Variants in DNAH6 observed in about 807,000 individuals in gnomAD.
DNAH6 encodes the protein dynein axonemal heavy chain 6.
Under a neutral mutation model 491.4 loss-of-function variants are expected in DNAH6, and 340 were observed. The ratio of observed to expected loss-of-function variants is 0.69; its 90% CI spans 0.63 to 0.76. The LOEUF (loss-of-function observed/expected upper bound fraction) is 0.76, where lower values mean the gene tolerates loss of function less well. Ranked by LOEUF, DNAH6 falls within the 30% of genes least tolerant of loss-of-function variation. DNAH6 has a pLI of 0.00. For missense variants in DNAH6, 4,443 were observed against 4,972.2 expected, an observed-to-expected ratio of 0.89 and a Z score of 3.20; for synonymous variants, 1,603 against 1,686.1, an observed-to-expected ratio of 0.95 and a Z score of 1.21.
chr2:84,512,473 A>T (rs1474724382), upstream of DNAH6, among the ~76,000 whole-genome samples: 1 of 152,134 alleles, frequency 6.6e-6, no homozygotes, highest in Non-Finnish European at 1.5e-5. Flanking sequence ...CTCCATTTTG[A>T]CCTAATCACC....
At chr2:84,573,075 T>C (rs987827289) in intron 11 of DNAH6, among the ~76,000 whole-genome samples, 1 of 152,202 alleles carries the variant, frequency 6.6e-6, no homozygotes, top group African/African-American at 2.4e-5. Context: ...CTGGGCATGC[T>C]AAACAGGTTT....
intron 4 of DNAH6, among the ~76,000 whole-genome samples, chr2:84,539,706 C>T (rs1678054345): frequency 6.6e-6 from 1 of 152,154 alleles, no homozygotes; most frequent in Non-Finnish European, 1.5e-5. Flanking sequence ...TCATGCTGCT[C>T]TTCCAAGGAC....
At chr2:84,675,198 C>T (rs551461363) in intron 40 of DNAH6, among the ~76,000 whole-genome samples, 1 of 152,316 alleles carries the variant, frequency 6.6e-6, no homozygotes, top group East Asian at 1.9e-4. Flanking sequence ...TTTCTTGAAT[C>T]AGAGCTGTTG....
intron 11 of DNAH6, among the ~76,000 whole-genome samples, chr2:84,566,345 T>A (rs1416002945): frequency 6.6e-6 from 1 of 152,014 alleles, no homozygotes; most frequent in Non-Finnish European, 1.5e-5. Context: ...ACTTCTTTCA[T>A]AATAGCAGCA....
intron 68 of DNAH6, among the ~76,000 whole-genome samples, chr2:84,789,240 G>A (rs980059693): frequency 6.6e-6 from 1 of 152,204 alleles, no homozygotes; most frequent in African/African-American, 2.4e-5. Context: ...TGCCCTCGCT[G>A]AAGCACACCA....
chr2:84,556,511 T>G (rs1203070835), intron 10 of DNAH6, among the ~76,000 whole-genome samples: 1 of 152,272 alleles, frequency 6.6e-6, no homozygotes, highest in Non-Finnish European at 1.5e-5. Context: ...GAGACTCATT[T>G]AAAGACTTAC....
At chr2:84,819,280 C>CCTT in intron 76 of DNAH6, 25 bp from the exon 77 acceptor site, 2 of 1,487,654 alleles carry the variant, frequency 1.3e-6, no homozygotes, top group Admixed American at 2.0e-5. Context: ...AAGTAACAAC[C>CCTT]TTTTTTTCCT....
In DNAH6 at chr2:84,685,602, AAT is replaced by A. The variant is rs1573480546; in HGVS notation, c.7063+137_7063+138del. On this transcript the variant is annotated intron_variant, in intron 43 of 76. Coordinates refer to ENST00000389394, the MANE Select transcript of DNAH6 (RefSeq NM_001370.2). The stretch of plus-strand genomic sequence containing the variant: ...AAAAGTTATTTTCTTTGATGGTTCA[AAT>A]ATATATTAAAATATATGAAATATGC... The A allele has an allele frequency of 2.5e-5, 11 of 446,280 alleles. No individual in the cohort carries two copies. In the East Asian group the frequency reaches 4.0e-4, roughly 16 times the overall value. 27.6% of individuals were successfully genotyped at this position (446,280 alleles called of 1,614,324 possible). A position where few individuals can be genotyped will look rare whatever the true frequency, so the allele number is the denominator to read the frequency against.
At chr2:84,674,787 C>G (rs1693072258) in intron 40 of DNAH6, among the ~76,000 whole-genome samples, 1 of 152,130 alleles carries the variant, frequency 6.6e-6, no homozygotes, top group African/African-American at 2.4e-5. Flanking sequence ...GGAATGACTG[C>G]CAAACCTCCC....
rs1016671980 is a variant in DNAH6, at chr2:84,620,492, T to C, written c.3792+588T>C. On this transcript the variant is annotated intron_variant, in intron 24 of 76. Coordinates refer to ENST00000389394, the MANE Select transcript of DNAH6 (RefSeq NM_001370.2). ...ACTTCACAGAGGAGAGCCACACATA[T>C]GCACACACACACAAAGTCAAGTATG... Among the ~76,000 whole-genome samples the C allele has an allele frequency of 4.4e-4, 67 of 152,106 alleles. 1 individual carries two copies. Among genetic ancestry groups the C allele is most frequent in the African/African-American group, 1.5e-3 (62 of 41,424 alleles).
chr2:84,492,469 G>A, the DNAH6 span, among the ~76,000 whole-genome samples: 1 of 152,116 alleles, frequency 6.6e-6, no homozygotes, highest in Non-Finnish European at 1.5e-5. Flanking sequence ...ATTCTATTAT[G>A]TATATTAGTT....
At chr2:84,546,645 T>C (rs1678824787) in intron 5 of DNAH6, among the ~76,000 whole-genome samples, 1 of 152,228 alleles carries the variant, frequency 6.6e-6, no homozygotes, top group Admixed American at 6.5e-5. Flanking sequence ...GTCCATCTAT[T>C]GATGGATATT....
chr2:84,626,996 G>C (rs1687940771), intron 29 of DNAH6, among the ~76,000 whole-genome samples: 1 of 152,184 alleles, frequency 6.6e-6, no homozygotes, highest in African/African-American at 2.4e-5. Flanking sequence ...CTGGGGTGGG[G>C]CCTGAAATTA....
intron 67 of DNAH6, among the ~76,000 whole-genome samples, chr2:84,786,314 T>A (rs1235644168): frequency 6.6e-6 from 1 of 151,392 alleles, no homozygotes; most frequent in Non-Finnish European, 1.5e-5. Context: ...TAGTCCCAGC[T>A]ACTCAGGAGG....
Position 84,529,132 on chromosome 2 carries a change from A to C in DNAH6, c.628A>C (p.Arg210=). ...TCTTTATATGATCCCTGCAGTGCCA[A>C]GATCATCCATTGAATATGATACATA... is the stretch of plus-strand genomic sequence containing the variant. ...GFLYMIPAVP[R]SSIEYDTYNL... The change falls in exon 4 of 77, where the codon AGA becomes CGA. Residue 210 remains arginine (R), a synonymous_variant. Transcript: ENST00000389394. The C allele has an allele frequency of 6.5e-7, 1 of 1,549,652 alleles. No homozygotes were observed. Among genetic ancestry groups the C allele is most frequent in the Non-Finnish European group, 8.7e-7 (1 of 1,145,384 alleles).
intron 48 of DNAH6, among the ~76,000 whole-genome samples, chr2:84,700,464 A>T (rs189897557): frequency 7.6e-4 from 116 of 152,338 alleles, no homozygotes; most frequent in African/African-American, 2.7e-3. Context: ...AAAAAGAAAG[A>T]CTAAGTGTCA....
chr2:84,593,846 C>A, intron 16 of DNAH6, 126 bp from the exon 17 acceptor site: 13 of 333,886 alleles, frequency 3.9e-5, no homozygotes, highest in Admixed American at 5.0e-5. Flanking sequence ...TGCTCCTTTT[C>A]TTAATCCATT....
chr2:84,788,807 C>T (rs1677469959), intron 68 of DNAH6, among the ~76,000 whole-genome samples: 1 of 152,150 alleles, frequency 6.6e-6, no homozygotes, highest in Non-Finnish European at 1.5e-5. Context: ...GAAAACAGGA[C>T]ATCTCAGCAA....
At position 84,548,369 on chromosome 2, in the gene DNAH6, CAT is replaced by C. The variant is rs765724240; in HGVS notation, c.1272_1273del (p.Thr425ArgfsTer24). 5 of 1,613,816 alleles carry C rather than the reference CAT, an allele frequency of 3.1e-6. No individual in the cohort carries two copies. The African/African-American group carries it at 6.7e-5, about 22-fold the overall frequency. The stretch of plus-strand genomic sequence containing the variant: ...ACTTATGGAGACTCTGAGAAAATGA[CAT>C]ATACAGAACAGGCCAGCAAAAGGCA... On this transcript the variant is annotated frameshift_variant, in exon 8 of 77. Transcript: ENST00000389394. LOFTEE classifies it high-confidence loss of function.
Sources: allele counts gnomAD v4.1 joint callset (sites outside exome capture counted in the v4.1 genomes callset), GRCh38; gene constraint gnomAD v4.1.1; transcripts MANE v1.5; gene names NCBI Gene and HGNC (gene_info 2026-07-23, HGNC 2026-07-21).